FTO: variants seen among roughly 807,000 people sequenced by gnomAD.
The protein encoded by FTO is alpha-ketoglutarate-dependent dioxygenase FTO.
A neutral mutation model predicts 63.9 loss-of-function variants in FTO; 47 were observed. That is an observed-to-expected ratio of 0.74 (90% CI 0.58 to 0.94). The LOEUF (loss-of-function observed/expected upper bound fraction) is 0.94. FTO is among the 40% of genes least tolerant of loss of function. FTO has a pLI of 0.00. For missense variants in FTO, 562 were observed against 618.1 expected, an observed-to-expected ratio of 0.91 and a Z score of 0.96; for synonymous variants, 207 against 224.4, an observed-to-expected ratio of 0.92 and a Z score of 0.69.
At chr16:53,989,806 C>T (rs1404589991) in intron 8 of FTO, among the ~76,000 whole-genome samples, 1 of 151,978 alleles carries the variant, frequency 6.6e-6, no homozygotes, top group African/African-American at 2.4e-5. Flanking sequence ...CTGCCACCTC[C>T]AAGACAGCAA....
intron 3 of FTO, among the ~76,000 whole-genome samples, chr16:53,838,439 T>C (rs1382522705): frequency 6.6e-6 from 1 of 151,800 alleles, no homozygotes; most frequent in Non-Finnish European, 1.5e-5. Context: ...GCCTTCTGAG[T>C]AGCTGGGATT....
chr16:53,795,449 T>TTGTGTGTG (rs66611114), intron 1 of FTO, among the ~76,000 whole-genome samples: 1 of 149,660 alleles, frequency 6.7e-6, no homozygotes, highest in African/African-American at 2.5e-5. Context: ...GCTAATACAT[T>TTGTGTGTG]TGTGTGTGTG....
intron 1 of FTO, among the ~76,000 whole-genome samples, chr16:53,789,806 G>A (rs2042031): frequency 0.71 from 105,390 of 148,670 alleles, 38,573 homozygotes; most frequent in African/African-American, 0.9. Context: ...GTATACATGT[G>A]TACATGTATA....
At chr16:53,873,539 C>T (rs1344437861) in intron 4 of FTO, among the ~76,000 whole-genome samples, 8 of 149,112 alleles carry the variant, frequency 5.4e-5, no homozygotes, top group African/African-American at 2.0e-4. Flanking sequence ...TATTATTATA[C>T]TTGTTATGTA....
At chr16:53,916,122 A>G (rs2151948424) in intron 7 of FTO, among the ~76,000 whole-genome samples, 1 of 152,294 alleles carries the variant, frequency 6.6e-6, no homozygotes, top group Non-Finnish European at 1.5e-5. Flanking sequence ...TTCAGTGGGG[A>G]TATAGCTTTT....
At chr16:53,720,901 C>T (rs999334960) in intron 1 of FTO, among the ~76,000 whole-genome samples, 1 of 151,840 alleles carries the variant, frequency 6.6e-6, no homozygotes, top group African/African-American at 2.4e-5. Context: ...GCAGTCCTCC[C>T]ACCCCAGGCT....
chr16:53,799,448 A>G (rs1407660336), intron 1 of FTO, among the ~76,000 whole-genome samples: 2 of 151,676 alleles, frequency 1.3e-5, no homozygotes, highest in African/African-American at 2.4e-5. Context: ...CTTGATCACC[A>G]TTTTGTTCCA....
intron 1 of FTO, among the ~76,000 whole-genome samples, chr16:53,761,583 G>A (rs1016424308): frequency 6.6e-6 from 1 of 152,148 alleles, no homozygotes; most frequent in Non-Finnish European, 1.5e-5. Context: ...ATTTAATATG[G>A]AGAAAATAAT....
intron 8 of FTO, among the ~76,000 whole-genome samples, chr16:54,097,595 A>G (rs1036324285): frequency 2.0e-5 from 3 of 152,234 alleles, no homozygotes; most frequent in African/African-American, 7.2e-5. Context: ...CAGATGCAAG[A>G]TGCTTTCAAT....
chr16:53,898,678 G>T (rs182306990), intron 7 of FTO, among the ~76,000 whole-genome samples: 14 of 152,210 alleles, frequency 9.2e-5, no homozygotes, highest in Admixed American at 6.5e-4. Context: ...ATGTTGATCA[G>T]TGTGGCCTTA....
chr16:53,855,068 G>A (rs935648406), intron 4 of FTO, among the ~76,000 whole-genome samples: 1 of 151,182 alleles, frequency 6.6e-6, no homozygotes, highest in Non-Finnish European at 1.5e-5. Context: ...AAGGGATTGA[G>A]TTCTTGATTT....
chr16:53,840,041 G>A (rs539824080), intron 3 of FTO, among the ~76,000 whole-genome samples: 1 of 152,026 alleles, frequency 6.6e-6, no homozygotes, highest in South Asian at 2.1e-4. Context: ...CTGACCTCGT[G>A]ATCCACCCAC....
intron 4 of FTO, among the ~76,000 whole-genome samples, chr16:53,869,541 GT>G (rs35983302): frequency 0.41 from 51,327 of 125,052 alleles, 10,196 homozygotes; most frequent in East Asian, 0.7. Flanking sequence ...CCATAGTTCT[GT>G]TTTTTTTTTT....
At chr16:54,029,777 T>G (rs74666973) in intron 8 of FTO, among the ~76,000 whole-genome samples, 2 of 152,150 alleles carry the variant, frequency 1.3e-5, no homozygotes, top group African/African-American at 4.8e-5. Context: ...TTAGCTAATA[T>G]CCCATCAATA....
intron 8 of FTO, among the ~76,000 whole-genome samples, chr16:53,939,606 G>A (rs1017645543): frequency 1.3e-5 from 2 of 152,082 alleles, no homozygotes; most frequent in Non-Finnish European, 2.9e-5. Flanking sequence ...TCTGTTAACA[G>A]CCACCCTCCA....
At chr16:53,855,692 G>A (rs555255687) in intron 4 of FTO, among the ~76,000 whole-genome samples, 7 of 152,288 alleles carry the variant, frequency 4.6e-5, no homozygotes, top group Admixed American at 2.6e-4. Flanking sequence ...GATTACCAGA[G>A]ACAGAATTTA....
chr16:54,105,157 T>C (rs1180472178), intron 8 of FTO, among the ~76,000 whole-genome samples: 1 of 152,224 alleles, frequency 6.6e-6, no homozygotes, highest in Non-Finnish European at 1.5e-5. Context: ...AGATAGTTTA[T>C]GCCCTCAGAA....
intron 3 of FTO, among the ~76,000 whole-genome samples, chr16:53,841,951 T>C (rs1299307672): frequency 1.3e-5 from 2 of 152,248 alleles, no homozygotes; most frequent in Non-Finnish European, 2.9e-5. Flanking sequence ...TAAACTTCTT[T>C]AGTACTGAGG....
intron 1 of FTO, among the ~76,000 whole-genome samples, chr16:53,798,925 C>T (rs1010223949): frequency 9.9e-5 from 15 of 151,946 alleles, no homozygotes; most frequent in African/African-American, 3.1e-4. Context: ...CGTAGTTTAC[C>T]GAGTGTGTTT....
Sources: allele counts gnomAD v4.1 joint callset (sites outside exome capture counted in the v4.1 genomes callset), GRCh38; gene constraint gnomAD v4.1.1; transcripts MANE v1.5; gene names NCBI Gene and HGNC (gene_info 2026-07-23, HGNC 2026-07-21).